CFAP20DC: variants seen among roughly 807,000 people sequenced by gnomAD.
CFAP20DC encodes the protein CFAP20 domain containing, also known as protein CFAP20DC.
In CFAP20DC, 84 loss-of-function variants were observed where a neutral mutation model predicts 101.7. The ratio of observed to expected loss-of-function variants is 0.83; its 90% CI spans 0.69 to 0.99. CFAP20DC has a LOEUF of 0.99. CFAP20DC is among the 50% of genes least tolerant of loss of function. The pLI is 0.00. For synonymous variants in CFAP20DC, 359 were observed against 351.2 expected, an observed-to-expected ratio of 1.02 and a Z score of -0.25; for missense variants, 1,007 against 970.3, an observed-to-expected ratio of 1.04 and a Z score of -0.50.
chr3:58,802,690 G>A (rs923774717), intron 15 of CFAP20DC, among the ~76,000 whole-genome samples: 3 of 152,102 alleles, frequency 2.0e-5, no homozygotes, highest in Non-Finnish European at 4.4e-5. Flanking sequence ...ATCCCACCTT[G>A]ATCCAATGTC....
chr3:58,872,031 T>A (rs899993312), intron 7 of CFAP20DC, among the ~76,000 whole-genome samples: 6 of 152,174 alleles, frequency 3.9e-5, no homozygotes, highest in Admixed American at 1.3e-4. Flanking sequence ...CCCAAGGAAC[T>A]CCTGATTGGA....
rs1323449636 is a variant in CFAP20DC at position 58,894,708 on chromosome 3, C to T, written c.551-9999G>A. 6.6e-6 allele frequency among the ~76,000 whole-genome samples: 1 copy of T among 152,202 alleles called. No homozygotes were observed. Among genetic ancestry groups the T allele is most frequent in the East Asian group, 1.9e-4 (1 of 5,192 alleles). On this transcript the variant is annotated intron_variant, in intron 6 of 16. Transcript: ENST00000482387. This position sits in a 1 kb window ranked among gnomAD's most constrained non-coding sequence, Gnocchi z 4.1. ...CTTCTTACAGCTCCACTAGATGGTG[C>T]CCCAGTAGGGAGTCTGTGTGGTGGC...
At chr3:58,717,115 T>C (rs995755361), downstream of CFAP20DC, among the ~76,000 whole-genome samples, 1 of 152,020 alleles carries the variant, frequency 6.6e-6, no homozygotes, top group African/African-American at 2.4e-5. This position sits in a 1 kb window ranked among gnomAD's most constrained non-coding sequence, Gnocchi z 4.1. Flanking sequence ...GCTCACTAGA[T>C]ACAATCAGTG....
At chr3:58,758,090 C>A (rs140771558) in intron 15 of CFAP20DC, among the ~76,000 whole-genome samples, 1 of 152,078 alleles carries the variant, frequency 6.6e-6, no homozygotes, top group Non-Finnish European at 1.5e-5. Flanking sequence ...ACAGAACACA[C>A]CTTGGGAAAT....
chr3:58,974,416 T>C (rs1266194214), intron 4 of CFAP20DC, among the ~76,000 whole-genome samples: 3 of 152,178 alleles, frequency 2.0e-5, no homozygotes, highest in Admixed American at 6.6e-5. Context: ...GCTGCATCCA[T>C]GTTGCTGCAA....
chr3:58,734,408 C>G, intron 3 of CFAP20DC: 1 of 371,584 alleles, frequency 2.7e-6, no homozygotes, highest in Non-Finnish European at 5.4e-6. Flanking sequence ...ACCTGAAAGT[C>G]CTCGGTCTGA....
intron 4 of CFAP20DC, among the ~76,000 whole-genome samples, chr3:58,951,456 A>G (rs2090095528): frequency 6.6e-6 from 1 of 152,228 alleles, no homozygotes; most frequent in African/African-American, 2.4e-5. Flanking sequence ...ACACATGCAC[A>G]CGTATGTTTA....
intron 4 of CFAP20DC, chr3:59,018,052 C>A (rs984022691): frequency 6.6e-6 from 1 of 152,056 alleles, no homozygotes; most frequent in Admixed American, 6.6e-5. Flanking sequence ...CACTAATTGA[C>A]CTATCAATCA....
rs113701923 is a variant in CFAP20DC at position 58,790,065 on chromosome 3, T to G, written c.2237+16330A>C. ...TTCTTATTAATATTGATGTGTAATG[T>G]AAACAGAGAAAAATGCACAAATCAT... is the stretch of plus-strand genomic sequence containing the variant. On this transcript the variant is annotated intron_variant, in intron 15 of 16. Coordinates refer to ENST00000482387, the MANE Select transcript of CFAP20DC (RefSeq NM_001394063.1). Among the ~76,000 whole-genome samples, 19 of 152,302 alleles carry G rather than the reference T, an allele frequency of 1.2e-4. 1 individual carries two copies. Among genetic ancestry groups the G allele is most frequent in the African/African-American group, 4.6e-4 (19 of 41,570 alleles).
In CFAP20DC at chr3:58,872,838, T is replaced by C. The variant is rs537139180; in HGVS notation, c.716-2529A>G. Among the ~76,000 whole-genome samples the C allele has an allele frequency of 9.2e-5, 14 of 152,050 alleles. No individual in the cohort carries two copies. In the East Asian group the frequency reaches 2.3e-3, roughly 25 times the overall value. On this transcript the variant is annotated intron_variant, in intron 7 of 16. Transcript: ENST00000482387. The stretch of plus-strand genomic sequence containing the variant: ...GTCTGGAGAGCTATGCTGGATGCTG[T>C]AAGGCAGGTGCTCAAGCAGAAGTCT...
At chr3:58,808,475 G>A (rs1237248172) in intron 14 of CFAP20DC, among the ~76,000 whole-genome samples, 2 of 152,166 alleles carry the variant, frequency 1.3e-5, no homozygotes, top group Admixed American at 6.5e-5. Context: ...AGCTTCATAA[G>A]TGAAGGAGAA....
chr3:59,019,922 T>C (rs1280544698), intron 4 of CFAP20DC, among the ~76,000 whole-genome samples: 1 of 151,898 alleles, frequency 6.6e-6, no homozygotes, highest in Non-Finnish European at 1.5e-5. Context: ...TATAGTAGAG[T>C]TTTTTAAAAG....
rs141340945 is a variant in CFAP20DC at position 59,001,013 on chromosome 3, A to G, written c.278+38544T>C. On this transcript the variant is annotated intron_variant, in intron 4 of 16. Coordinates refer to ENST00000482387, the MANE Select transcript of CFAP20DC (RefSeq NM_001394063.1). The surrounding 1 kb of genome is among the most constrained non-coding windows in gnomAD (Gnocchi z 4.5). ...TTAAATTAAATGATGAAAAATAAGAATTAACTTATTAATTCCAAGAAGCTT... is the reference window on the plus strand; with the variant it reads ...TTAAATTAAATGATGAAAAATAAGAGTTAACTTATTAATTCCAAGAAGCTT... Among the ~76,000 whole-genome samples the G allele has an allele frequency of 6.6e-6, 1 of 152,300 alleles. No individual in the cohort carries two copies. Among genetic ancestry groups the G allele is most frequent in the African/African-American group, 2.4e-5 (1 of 41,556 alleles).
At chr3:58,778,269 G>A (rs895366744) in intron 15 of CFAP20DC, among the ~76,000 whole-genome samples, 4 of 152,188 alleles carry the variant, frequency 2.6e-5, no homozygotes, top group African/African-American at 9.7e-5. Context: ...TGGAGGGCCT[G>A]AGGGCAGATC....
intron 12 of CFAP20DC, among the ~76,000 whole-genome samples, chr3:58,851,587 T>TA (rs1346035621): frequency 2.6e-5 from 4 of 152,116 alleles, no homozygotes; most frequent in Non-Finnish European, 2.9e-5. Context: ...AATTAAAAGA[T>TA]AAAAACAAAA....
intron 1 of CFAP20DC, among the ~76,000 whole-genome samples, chr3:59,047,558 A>G (rs1314727845): frequency 6.6e-6 from 1 of 152,224 alleles, no homozygotes; most frequent in Non-Finnish European, 1.5e-5. Context: ...CATACAGATC[A>G]TTCTTGCAAA....
intron 5 of CFAP20DC, among the ~76,000 whole-genome samples, chr3:58,932,605 T>A (rs1372495087): frequency 6.6e-6 from 1 of 151,822 alleles, no homozygotes; most frequent in Non-Finnish European, 1.5e-5. Context: ...CAGAAGAGAG[T>A]GGGGGCCAAT....
At chr3:58,793,480 T>C (rs775887221) in intron 15 of CFAP20DC, among the ~76,000 whole-genome samples, 3 of 152,166 alleles carry the variant, frequency 2.0e-5, no homozygotes, top group Non-Finnish European at 4.4e-5. Context: ...GAATTAGTAG[T>C]ATTTCCAAAA....
chr3:58,993,082 T>C (rs2092994899), intron 4 of CFAP20DC, among the ~76,000 whole-genome samples: 1 of 152,170 alleles, frequency 6.6e-6, no homozygotes, highest in Non-Finnish European at 1.5e-5. Context: ...ATTGAGGAAT[T>C]CAAACTGTTT....
Sources: allele counts gnomAD v4.1 joint callset (sites outside exome capture counted in the v4.1 genomes callset), GRCh38; gene constraint gnomAD v4.1.1; non-coding constraint Gnocchi (gnomAD v3.1); transcripts MANE v1.5; gene names NCBI Gene and HGNC (gene_info 2026-07-23, HGNC 2026-07-21).